The following LINGO2 variants were observed in gnomAD, a reference collection of about 807,000 sequenced individuals.
LINGO2 encodes the protein leucine-rich repeat and immunoglobulin-like domain-containing nogo receptor-interacting protein 2.
Under a neutral mutation model 30.6 loss-of-function variants are expected in LINGO2, and 14 were observed. The observed-to-expected ratio is 0.46, with a 90% CI of 0.30 to 0.72. The LOEUF (loss-of-function observed/expected upper bound fraction) is 0.72, where lower values mean the gene tolerates loss of function less well. Ranked by LOEUF, LINGO2 falls within the 30% of genes least tolerant of loss-of-function variation. LINGO2 has a pLI of 0.07. For missense variants in LINGO2, 729 were observed against 751.7 expected (o/e 0.97, Z 0.35); for synonymous variants, 317 against 288.5 (o/e 1.10, Z -1.00).
chr9:28,494,968 GTGA>G (rs1192800889), intron 1 of LINGO2, among the ~76,000 whole-genome samples: 3 of 152,234 alleles, frequency 2.0e-5, no homozygotes, highest in Non-Finnish European at 4.4e-5. Context: ...CTGATGGCCA[GTGA>G]TGATGAGCAT....
chr9:27,967,734 G>C (rs1366186974), intron 5 of LINGO2, among the ~76,000 whole-genome samples: 1 of 152,102 alleles, frequency 6.6e-6, no homozygotes, highest in South Asian at 2.1e-4. Context: ...TTACACATTA[G>C]AGAAACACAT....
chr9:28,162,288 T>C (rs1470519652), intron 4 of LINGO2, among the ~76,000 whole-genome samples: 2 of 152,188 alleles, frequency 1.3e-5, no homozygotes, highest in South Asian at 2.1e-4. Flanking sequence ...CCAATAAACA[T>C]TCAATCTTTT....
intron 1 of LINGO2, among the ~76,000 whole-genome samples, chr9:28,510,121 A>G (rs1820311471): frequency 2.6e-5 from 4 of 152,214 alleles, no homozygotes. Context: ...ATACTTGTGG[A>G]AAGTGAGACA....
exon 6 of LINGO2, chr9:27,949,807 C>T: frequency 1.2e-6 from 2 of 1,613,990 alleles, no homozygotes; most frequent in Non-Finnish European, 1.7e-6. Flanking sequence ...ATGCCTGCTT[C>T]AATAGTGCTG....
At chr9:29,117,715 G>T in the LINGO2 span, among the ~76,000 whole-genome samples, 4 of 152,312 alleles carry the variant, frequency 2.6e-5, no homozygotes, top group South Asian at 4.1e-4. Flanking sequence ...TCTGCCTGTT[G>T]AAGGCAATTC....
intron 1 of LINGO2, among the ~76,000 whole-genome samples, chr9:28,541,327 C>G (rs1187975656): frequency 1.3e-5 from 2 of 152,116 alleles, no homozygotes; most frequent in Non-Finnish European, 2.9e-5. Context: ...AAAAACACTT[C>G]TCTCCTGGAG....
intron 1 of LINGO2, among the ~76,000 whole-genome samples, chr9:28,485,449 G>A (rs1173037556): frequency 6.6e-6 from 1 of 152,034 alleles, no homozygotes. Context: ...AAGTGTAAAA[G>A]TATGAGTATC....
At chr9:27,969,627 C>A (rs1820261093) in intron 5 of LINGO2, among the ~76,000 whole-genome samples, 1 of 152,116 alleles carries the variant, frequency 6.6e-6, no homozygotes, top group Non-Finnish European at 1.5e-5. Flanking sequence ...TGTACAAGGA[C>A]TTGCAGCAAA....
rs200590304 is a variant in LINGO2, at chr9:27,963,738, TA to T, written c.-35-13033del. 9.3e-3 allele frequency among the ~76,000 whole-genome samples: 1,121 copies of T among 120,616 alleles called. 6 individuals carry two copies. Among genetic ancestry groups the T allele is most frequent in the Middle Eastern group, 0.015 (3 of 206 alleles). The allele number at this position is 120,616 out of a possible 152,430, so 79.1% of individuals were successfully genotyped here. ...GGTGAAGAGTGGGTTGAGGTAAGGG[TA>T]AAAAAAAAAAAAAAGCAAGCAAAGG... is the stretch of plus-strand genomic sequence containing the variant. On this transcript the variant is annotated intron_variant, in intron 5 of 5. Coordinates refer to ENST00000379992, the Ensembl canonical transcript of LINGO2.
exon 6 of LINGO2, chr9:27,949,754 C>G: frequency 1.2e-6 from 2 of 1,614,068 alleles, no homozygotes; most frequent in Non-Finnish European, 1.7e-6. Context: ...GAAGCTGGGC[C>G]CCCACTATAT....
intron 5 of LINGO2, among the ~76,000 whole-genome samples, chr9:28,002,196 A>G (rs918828545): frequency 4.6e-5 from 7 of 152,192 alleles, no homozygotes; most frequent in Non-Finnish European, 7.3e-5. Context: ...TTATACACTA[A>G]TATTTTATTG....
chr9:27,969,701 AAAAC>A (rs150464767), intron 5 of LINGO2, among the ~76,000 whole-genome samples: 3,620 of 152,046 alleles, frequency 0.024, 141 homozygotes, highest in African/African-American at 0.082. Flanking sequence ...TTACTCTAGT[AAAAC>A]AAACAAACAA....
intron 4 of LINGO2, among the ~76,000 whole-genome samples, chr9:28,196,039 C>T (rs1310121263): frequency 6.6e-6 from 1 of 151,308 alleles, no homozygotes; most frequent in Non-Finnish European, 1.5e-5. Flanking sequence ...AATATAAAAA[C>T]CGTTTGATTA....
the LINGO2 span, among the ~76,000 whole-genome samples, chr9:28,892,623 A>G: frequency 6.6e-6 from 1 of 152,098 alleles, no homozygotes; most frequent in East Asian, 1.9e-4. Context: ...ATTTCTCTTG[A>G]CATACTCTTA....
chr9:29,206,254 C>A, the LINGO2 span, among the ~76,000 whole-genome samples: 1 of 152,116 alleles, frequency 6.6e-6, no homozygotes, highest in Admixed American at 6.5e-5. Context: ...GGATAAACTT[C>A]TAAAAGAGGA....
chr9:28,339,339 A>G (rs1162467122), intron 3 of LINGO2, among the ~76,000 whole-genome samples: 1 of 152,126 alleles, frequency 6.6e-6, no homozygotes, highest in Admixed American at 6.5e-5. Flanking sequence ...CCAAAAAACT[A>G]TTTATAGTAG....
intron 4 of LINGO2, among the ~76,000 whole-genome samples, chr9:28,257,565 AT>A (rs765346338): frequency 6.6e-6 from 1 of 151,948 alleles, no homozygotes; most frequent in Non-Finnish European, 1.5e-5. Flanking sequence ...ACAGAAAATA[AT>A]TCCATAAGTA....
chr9:29,195,769 C>T, the LINGO2 span, among the ~76,000 whole-genome samples: 1 of 152,136 alleles, frequency 6.6e-6, no homozygotes, highest in Non-Finnish European at 1.5e-5. Context: ...GATTCTTTCA[C>T]AGATGTCAGA....
At chr9:28,812,944 C>T in the LINGO2 span, among the ~76,000 whole-genome samples, 14 of 152,034 alleles carry the variant, frequency 9.2e-5, no homozygotes, top group Admixed American at 3.3e-4. Context: ...TCCACTATAA[C>T]TGAAGTTTAT....
Sources: gnomAD v4.1 joint callset for allele counts (sites outside exome capture counted in the v4.1 genomes callset) on GRCh38, gnomAD v4.1.1 for gene constraint, MANE v1.5 for transcripts, NCBI Gene and HGNC (gene_info 2026-07-23, HGNC 2026-07-21) for gene names.